TUBA1B: variants seen among roughly 807,000 people sequenced by gnomAD.
The protein encoded by TUBA1B is tubulin alpha 1b.
TUBA1B carries 1 observed loss-of-function variant against 34.4 expected under a neutral mutation model. The ratio of observed to expected loss-of-function variants is 0.03; its 90% CI spans 0.01 to 0.14. The LOEUF (loss-of-function observed/expected upper bound fraction) is 0.14. Ranked by LOEUF, TUBA1B falls within the 10% of genes least tolerant of loss-of-function variation. The pLI, the probability that TUBA1B is intolerant of heterozygous loss-of-function variation, is 1.00. For missense variants in TUBA1B, 54 were observed against 583.6 expected (o/e 0.09, Z 9.35); for synonymous variants, 197 against 212.5 (o/e 0.93, Z 0.64).
At chr12:49,129,416 GGAGT>G (rs1477223253) in intron 2 of TUBA1B, 26 bp from the exon 3 acceptor site, 12 of 1,614,056 alleles carry the variant, frequency 7.4e-6, no homozygotes, top group Middle Eastern at 1.7e-4. Flanking sequence ...AAGGACGGAG[GGAGT>G]GAGTGAGTGA....
chr12:49,129,220 CAT>C lies in TUBA1B; in HGVS notation c.375+20_375+21del. On this transcript the variant is annotated intron_variant, in intron 3 of 3. Coordinates refer to ENST00000336023, the MANE Select transcript of TUBA1B (RefSeq NM_006082.3). ...TGGAACTATCACACCACATTAAATG[CAT>C]ATTTATATGTGGTGCTTACCAGCTT... 3.1e-6 allele frequency: 5 copies of C among 1,613,226 alleles called. No homozygotes were observed. Among genetic ancestry groups the C allele is most frequent in the Non-Finnish European group, 4.2e-6 (5 of 1,179,990 alleles).
chr12:49,131,205 GC>G lies in TUBA1B; in HGVS notation c.3+92del, dbSNP rs1193149151. On this transcript the variant is annotated intron_variant, in intron 1 of 3. Coordinates refer to ENST00000336023, the MANE Select transcript of TUBA1B (RefSeq NM_006082.3). ...CTCCAAACGGACGGCTCTGAGGCCA[GC>G]CCTTCCCGGCTGTATACAGGGCCCC... is the stretch of plus-strand genomic sequence containing the variant. 2.7e-6 allele frequency: 4 copies of G among 1,501,372 alleles called. No homozygotes were observed. The African/African-American group carries it at 5.5e-5, about 21-fold the overall frequency. The allele number at this position is 1,501,372 out of a possible 1,614,324, so 93.0% of individuals were successfully genotyped here.
intron 1 of TUBA1B, chr12:49,130,960 C>T (rs1029446700): frequency 6.6e-5 from 17 of 259,294 alleles, no homozygotes; most frequent in African/African-American, 3.7e-4. Context: ...GGAGTAAGGG[C>T]ATGCGCTGGA....
chr12:49,130,739 C>T (rs1467613572), intron 1 of TUBA1B: 2 of 193,710 alleles, frequency 1.0e-5, no homozygotes, highest in East Asian at 1.3e-4. Flanking sequence ...AAAAAGAACA[C>T]TCAGGTTAAC....
At chr12:49,129,894 C>T in intron 1 of TUBA1B, 172 bp from the exon 2 acceptor site, 1 of 1,231,472 alleles carries the variant, frequency 8.1e-7, no homozygotes, top group South Asian at 1.5e-5. Context: ...CATCCCCCCA[C>T]CTCAGCCTCT....
chr12:49,127,787 A>G lies in TUBA1B; in HGVS notation c.*171T>C, dbSNP rs1941763241. Reference sequence around the variant, plus strand: ...AAAAACGCAGGAAACAAAGCTTTTGATGTTAATGACTTTACTTTGAGATAT... The same window carrying G: ...AAAAACGCAGGAAACAAAGCTTTTGGTGTTAATGACTTTACTTTGAGATAT... On this transcript the variant is annotated 3_prime_UTR_variant, in exon 4 of 4. Coordinates refer to ENST00000336023, the MANE Select transcript of TUBA1B (RefSeq NM_006082.3). The G allele has an allele frequency of 1.9e-6, 2 of 1,065,386 alleles. No individual in the cohort carries two copies. The allele number at this position is 1,065,386 out of a possible 1,614,324, so 66.0% of individuals were successfully genotyped here. A position where few individuals can be genotyped will look rare whatever the true frequency, so the allele number is the denominator to read the frequency against.
Position 49,127,823 on chromosome 12 carries a change from T to C in TUBA1B, c.*135A>G, listed in dbSNP as rs1420835639. On this transcript the variant is annotated 3_prime_UTR_variant, in exon 4 of 4. Transcript: ENST00000336023. ...TTTACTTTGAGATATGATGGAAAAA[T>C]ATTACAGGTACACATGGAAAAGACA... 7.4e-7 allele frequency: 1 copy of C among 1,358,658 alleles called. No homozygotes were observed. Among genetic ancestry groups the C allele is most frequent in the Non-Finnish European group, 1.0e-6 (1 of 988,990 alleles). The allele number at this position is 1,358,658 out of a possible 1,614,324, so 84.2% of individuals were successfully genotyped here. A position where few individuals can be genotyped will look rare whatever the true frequency, so the allele number is the denominator to read the frequency against.
At position 49,131,226 on chromosome 12, in the gene TUBA1B, G is replaced by A. The variant is rs560072277; in HGVS notation, c.3+72C>T. 482 of 1,554,496 alleles carry A rather than the reference G, an allele frequency of 3.1e-4. 1 individual carries two copies. The African/African-American group carries it at 6.0e-3, about 19-fold the overall frequency. On this transcript the variant is annotated intron_variant, in intron 1 of 3. Coordinates refer to ENST00000336023, the MANE Select transcript of TUBA1B (RefSeq NM_006082.3). The stretch of plus-strand genomic sequence containing the variant: ...GCCAGCCCTTCCCGGCTGTATACAG[G>A]GCCCCAGCGCCCCGCCGGCTCGCTT...
chr12:49,129,875 G>C (rs1316193066), intron 1 of TUBA1B, 153 bp from the exon 2 acceptor site: 31 of 1,325,150 alleles, frequency 2.3e-5, no homozygotes, highest in Non-Finnish European at 3.0e-5. Context: ...CTGCAGCCTA[G>C]GCTCCAGTCA....
At position 49,127,808 on chromosome 12, in the gene TUBA1B, GAT is replaced by G; in HGVS notation, c.*148_*149del. On this transcript the variant is annotated 3_prime_UTR_variant, in exon 4 of 4. Transcript: ENST00000336023. The stretch of plus-strand genomic sequence containing the variant: ...TTTGATGTTAATGACTTTACTTTGA[GAT>G]ATGATGGAAAAATATTACAGGTACA... 2 of 1,264,288 alleles carry G rather than the reference GAT, an allele frequency of 1.6e-6. No homozygotes were observed. The allele number at this position is 1,264,288 out of a possible 1,614,324, so 78.3% of individuals were successfully genotyped here. A position where few individuals can be genotyped will look rare whatever the true frequency, so the allele number is the denominator to read the frequency against.
chr12:49,129,135 T>C, intron 3 of TUBA1B, 107 bp downstream of exon 3: 1 of 1,596,902 alleles, frequency 6.3e-7, no homozygotes, highest in East Asian at 2.2e-5. Flanking sequence ...AAGCAGCCTA[T>C]TCCACATTTT....
chr12:49,131,257 T>G lies in TUBA1B; in HGVS notation c.3+41A>C, dbSNP rs545621554. 9 of 1,597,708 alleles carry G rather than the reference T, an allele frequency of 5.6e-6. No homozygotes were observed. The East Asian group carries it at 1.4e-4, about 24-fold the overall frequency. On this transcript the variant is annotated intron_variant, in intron 1 of 3. Transcript: ENST00000336023. ...AGCGCCCCGCCGGCTCGCTTTTCCCTGCTTCCCTGAAAGCAGCCGGGAGCC... is the reference window on the plus strand; with the variant it reads ...AGCGCCCCGCCGGCTCGCTTTTCCCGGCTTCCCTGAAAGCAGCCGGGAGCC...
intron 1 of TUBA1B, chr12:49,130,230 C>A (rs1325423872): frequency 1.3e-5 from 17 of 1,286,018 alleles, no homozygotes; most frequent in Non-Finnish European, 1.5e-5. Flanking sequence ...CGCTCAGGCC[C>A]CAGAAGCCCA....
intron 1 of TUBA1B, 79 bp downstream of exon 1, chr12:49,131,214 GGCTGT>G (rs1941803935): frequency 1.3e-6 from 2 of 1,526,774 alleles, no homozygotes; most frequent in Non-Finnish European, 1.8e-6. Flanking sequence ...AGCCCTTCCC[GGCTGT>G]ATACAGGGCC....
chr12:49,130,992 G>T, intron 1 of TUBA1B: 1 of 350,518 alleles, frequency 2.9e-6, no homozygotes, highest in Non-Finnish European at 5.5e-6. Flanking sequence ...GGACTCGAGG[G>T]ACCGCACCCA....
Position 49,127,808 on chromosome 12 carries a change from G to A in TUBA1B, c.*150C>T, listed in dbSNP as rs1592245430. ...TTTGATGTTAATGACTTTACTTTGA[G>A]ATATGATGGAAAAATATTACAGGTA... On this transcript the variant is annotated 3_prime_UTR_variant, in exon 4 of 4. Coordinates refer to ENST00000336023, the MANE Select transcript of TUBA1B (RefSeq NM_006082.3). The A allele has an allele frequency of 4.0e-6, 5 of 1,264,288 alleles. No individual in the cohort carries two copies. Among genetic ancestry groups the A allele is most frequent in the Non-Finnish European group, 4.4e-6 (4 of 911,948 alleles). The allele number at this position is 1,264,288 out of a possible 1,614,324, so 78.3% of individuals were successfully genotyped here. A position where few individuals can be genotyped will look rare whatever the true frequency, so the allele number is the denominator to read the frequency against.
intron 3 of TUBA1B, 99 bp downstream of exon 3, chr12:49,129,143 T>G: frequency 6.2e-7 from 1 of 1,602,930 alleles, no homozygotes; most frequent in Non-Finnish European, 8.5e-7. Flanking sequence ...TATTCCACAT[T>G]TTGGTAGGTG....
intron 1 of TUBA1B, chr12:49,130,525 T>C: frequency 2.6e-6 from 1 of 381,746 alleles, no homozygotes. Context: ...TAGGAGATTA[T>C]CGGCGGCCCA....
chr12:49,129,060 CAG>C, intron 3 of TUBA1B, 122 bp from the exon 4 acceptor site: 1 of 1,514,384 alleles, frequency 6.6e-7, no homozygotes, highest in Non-Finnish European at 8.9e-7. Context: ...ATTGGCAAAA[CAG>C]ACATATCCAC....
Sources: gnomAD v4.1 joint callset for allele counts on GRCh38, gnomAD v4.1.1 for gene constraint, MANE v1.5 for transcripts, NCBI Gene and HGNC (gene_info 2026-07-23, HGNC 2026-07-21) for gene names.